Variants in ADCY8 observed in about 807,000 individuals in gnomAD.
ADCY8 encodes adenylate cyclase 8.
Under a neutral mutation model 119.7 loss-of-function variants are expected in ADCY8, and 51 were observed. That is an observed-to-expected ratio of 0.43 (90% confidence interval 0.34 to 0.54). The LOEUF (loss-of-function observed/expected upper bound fraction) is 0.54, where lower values mean the gene tolerates loss of function less well. Ranked by LOEUF, ADCY8 falls within the 20% of genes least tolerant of loss-of-function variation. The pLI is 0.03. For synonymous variants in ADCY8, 665 were observed against 651.0 expected, an observed-to-expected ratio of 1.02 and a Z score of -0.33; for missense variants, 1,383 against 1,598.8, an observed-to-expected ratio of 0.87 and a Z score of 2.30.
rs752483611 is a variant in ADCY8 at position 130,884,642 on chromosome 8, C to T, written c.2031G>A (p.Leu677=). Residue 677 remains leucine (L), a synonymous_variant, in exon 8 of 18, where the codon TTG becomes TTA. Transcript: ENST00000286355. ...INKRIEHTID[L]RSGDKLRREH... ...CTCTTCTCAATTTATCGCCACTCCG[C>T]AAGTCGATGGTATGTTCTATTCTCT... 2 of 1,613,860 alleles carry T rather than the reference C, an allele frequency of 1.2e-6. No homozygotes were observed. The highest frequency in any genetic ancestry group is 2.2e-5 in the South Asian group (2 of 91,082).
chr8:130,940,317 T>G (rs1279973126), intron 4 of ADCY8, among the ~76,000 whole-genome samples: 1 of 152,064 alleles, frequency 6.6e-6, no homozygotes, highest in African/African-American at 2.4e-5. Context: ...CTGACAAAAG[T>G]GTGTTTTAGA....
At chr8:130,794,137 C>T (rs564630069) in intron 15 of ADCY8, among the ~76,000 whole-genome samples, 2 of 152,286 alleles carry the variant, frequency 1.3e-5, no homozygotes, top group African/African-American at 4.8e-5. Context: ...AGAGGCAAGG[C>T]AGGAGTTTTC....
intron 5 of ADCY8, among the ~76,000 whole-genome samples, chr8:130,928,908 T>C (rs1010020339): frequency 8.5e-5 from 13 of 152,176 alleles, no homozygotes; most frequent in Non-Finnish European, 1.5e-4. Flanking sequence ...AGTGAAACCA[T>C]CAGGTCCTGG....
intron 6 of ADCY8, among the ~76,000 whole-genome samples, chr8:130,904,690 T>G (rs1819724222): frequency 1.3e-5 from 2 of 152,302 alleles, no homozygotes; most frequent in Admixed American, 6.5e-5. Context: ...GGCAGCTGGC[T>G]GGGCTCACTC....
chr8:130,837,674 A>G (rs1817030868), intron 11 of ADCY8, among the ~76,000 whole-genome samples: 1 of 152,210 alleles, frequency 6.6e-6, no homozygotes, highest in South Asian at 2.1e-4. Context: ...CTAATATATC[A>G]TTCTGGATGG....
chr8:130,963,360 T>C (rs1821665656), intron 2 of ADCY8, among the ~76,000 whole-genome samples: 1 of 152,218 alleles, frequency 6.6e-6, no homozygotes, highest in Non-Finnish European at 1.5e-5. Flanking sequence ...GGGAGTGATG[T>C]TTAACTGGTA....
chr8:131,001,447 G>A (rs148841175), intron 1 of ADCY8, among the ~76,000 whole-genome samples: 12 of 151,940 alleles, frequency 7.9e-5, no homozygotes, highest in East Asian at 1.9e-4. Flanking sequence ...TTTATGTCTC[G>A]ATGAGCCTCA....
intron 1 of ADCY8, among the ~76,000 whole-genome samples, chr8:131,020,828 A>G (rs1036417812): frequency 6.6e-6 from 1 of 152,192 alleles, no homozygotes; most frequent in East Asian, 1.9e-4. Context: ...GTAGGAAGGT[A>G]TCAGTTTCTT....
chr8:130,896,853 T>A (rs1257954667), intron 7 of ADCY8, among the ~76,000 whole-genome samples: 1 of 152,078 alleles, frequency 6.6e-6, no homozygotes, highest in Non-Finnish European at 1.5e-5. Context: ...TATTTATGGA[T>A]GGTAGAATTC....
chr8:130,995,058 A>G (rs1822730217), intron 1 of ADCY8, among the ~76,000 whole-genome samples: 1 of 152,090 alleles, frequency 6.6e-6, no homozygotes, highest in Non-Finnish European at 1.5e-5. Context: ...GAAAATAGTC[A>G]CTCTTATACC....
In ADCY8 at chr8:130,909,915, C is replaced by A. The variant is rs771387271; in HGVS notation, c.1482-49G>T. 9.7e-6 allele frequency: 15 copies of A among 1,542,300 alleles called. No homozygotes were observed. The East Asian group carries it at 3.2e-4, about 33-fold the overall frequency. ...GACACATGTATAAGACCAGAGTGGG[C>A]ATCGTTGGCTCTGCACTTTCTTTTC... is the stretch of plus-strand genomic sequence containing the variant. On this transcript the variant is annotated intron_variant, in intron 5 of 17. Transcript: ENST00000286355.
At chr8:130,815,737 A>G (rs1257429709) in intron 13 of ADCY8, among the ~76,000 whole-genome samples, 1 of 152,262 alleles carries the variant, frequency 6.6e-6, no homozygotes, top group East Asian at 1.9e-4. Flanking sequence ...TTAGAGTTCT[A>G]GTTCCACATT....
rs1362939554 is a variant in ADCY8, at chr8:130,892,965, C to G, written c.1912-8204G>C. ...GCTTGCCTGACTCTATTCCACCAAT[C>G]TATTAGCTAATCCTAGATGCTTGCC... On this transcript the variant is annotated intron_variant, in intron 7 of 17. Transcript: ENST00000286355. Among the ~76,000 whole-genome samples, 5 of 152,136 alleles carry G rather than the reference C, an allele frequency of 3.3e-5. No homozygotes were observed. The East Asian group carries it at 7.7e-4, about 23-fold the overall frequency.
chr8:130,970,835 A>G (rs1347684657), intron 2 of ADCY8, among the ~76,000 whole-genome samples: 1 of 152,204 alleles, frequency 6.6e-6, no homozygotes, highest in Admixed American at 6.5e-5. Context: ...TATTCTGAGT[A>G]TCCAGTGAGG....
At chr8:130,800,261 G>A (rs1815730139) in intron 15 of ADCY8, among the ~76,000 whole-genome samples, 165 bp downstream of exon 15, 1 of 151,458 alleles carries the variant, frequency 6.6e-6, no homozygotes, top group Non-Finnish European at 1.5e-5. Context: ...TAACTCAGGT[G>A]ATAATTGTGA....
rs369681750 is a variant in ADCY8, at chr8:130,950,934, G to A, written c.1241+934C>T. Among the ~76,000 whole-genome samples the A allele has an allele frequency of 4.4e-4, 67 of 152,236 alleles. No individual in the cohort carries two copies. The East Asian group carries it at 0.01, about 24-fold the overall frequency. ...AGGATGGTCTCGATCTCTTGACCTC[G>A]TGATCCGCCCACCTTGGCCTCCCAA... is the stretch of plus-strand genomic sequence containing the variant. On this transcript the variant is annotated intron_variant, in intron 3 of 17. Transcript: ENST00000286355.
intron 11 of ADCY8, among the ~76,000 whole-genome samples, chr8:130,844,349 TC>T (rs1482266812): frequency 6.6e-6 from 1 of 152,216 alleles, no homozygotes; most frequent in Non-Finnish European, 1.5e-5. Context: ...GCATCTTCAC[TC>T]TTTTTTAGCA....
intron 14 of ADCY8, among the ~76,000 whole-genome samples, chr8:130,808,337 G>A (rs1816043500): frequency 6.6e-6 from 1 of 152,124 alleles, no homozygotes; most frequent in African/African-American, 2.4e-5. Flanking sequence ...AGGGGATGGG[G>A]CTGTGACTGG....
chr8:130,859,174 C>T (rs12542315), intron 9 of ADCY8, among the ~76,000 whole-genome samples: 65,430 of 151,928 alleles, frequency 0.43, 14,374 homozygotes, highest in Non-Finnish European at 0.46. Flanking sequence ...TGTATGTATA[C>T]ATTCTAACCT....
Sources: gnomAD v4.1 joint callset for allele counts (sites outside exome capture counted in the v4.1 genomes callset) on GRCh38, gnomAD v4.1.1 for gene constraint, MANE v1.5 for transcripts, NCBI Gene and HGNC (gene_info 2026-07-23, HGNC 2026-07-21) for gene names.